Variants in SDK1 observed in about 807,000 individuals in gnomAD.
SDK1 encodes protein sidekick-1.
Under a neutral mutation model 245.5 loss-of-function variants are expected in SDK1, and 157 were observed. That is an observed-to-expected ratio of 0.64 (90% CI 0.56 to 0.73). The LOEUF is 0.73. Among genes scored for constraint, SDK1 ranks in the 30% least tolerant of loss-of-function variants. SDK1 has a pLI of 0.00. For synonymous variants in SDK1, 1,647 were observed against 1,278.5 expected (o/e 1.29, Z -6.15); for missense variants, 3,583 against 3,002.3 (o/e 1.19, Z -4.52).
chr7:4,129,358 T>G (rs1412432201), intron 26 of SDK1, among the ~76,000 whole-genome samples: 1 of 131,376 alleles, frequency 7.6e-6, no homozygotes, highest in African/African-American at 3.0e-5. Context: ...GACAGCAGCT[T>G]GGGGTTGGGT....
At chr7:3,421,768 G>C (rs924635746) in intron 1 of SDK1, among the ~76,000 whole-genome samples, 2 of 152,154 alleles carry the variant, frequency 1.3e-5, no homozygotes, top group African/African-American at 4.8e-5. Flanking sequence ...CTGATTTAGA[G>C]ATGACATTTA....
intron 1 of SDK1, among the ~76,000 whole-genome samples, chr7:3,360,594 T>G (rs780674321): frequency 1.3e-5 from 2 of 152,192 alleles, no homozygotes; most frequent in Non-Finnish European, 2.9e-5. Context: ...AATGTTTCTT[T>G]CCCAGGTGTT....
chr7:3,577,480 A>C (rs1780331600), intron 1 of SDK1, among the ~76,000 whole-genome samples: 1 of 151,946 alleles, frequency 6.6e-6, no homozygotes, highest in Non-Finnish European at 1.5e-5. Flanking sequence ...CATGCCCTAC[A>C]GGATGGCTCT....
intron 2 of SDK1, among the ~76,000 whole-genome samples, chr7:3,631,042 C>G (rs751228523): frequency 3.9e-5 from 6 of 152,014 alleles, no homozygotes; most frequent in Non-Finnish European, 7.4e-5. Flanking sequence ...AAGTGATCCC[C>G]CCATCTCAGC....
intron 4 of SDK1, among the ~76,000 whole-genome samples, chr7:3,721,794 A>C (rs910315010): frequency 6.6e-6 from 1 of 152,188 alleles, no homozygotes; most frequent in Non-Finnish European, 1.5e-5. Flanking sequence ...GCTTGTAGGA[A>C]TGTCTCTGCT....
chr7:3,584,752 G>A (rs188315332), intron 1 of SDK1, among the ~76,000 whole-genome samples: 1 of 150,746 alleles, frequency 6.6e-6, no homozygotes, highest in East Asian at 2.0e-4. Flanking sequence ...TTGAGATGGA[G>A]TCTCGCTGTC....
intron 5 of SDK1, among the ~76,000 whole-genome samples, chr7:3,845,652 C>G (rs981862051): frequency 1.3e-5 from 2 of 151,492 alleles, no homozygotes; most frequent in African/African-American, 4.9e-5. Context: ...GCAGTGGGCT[C>G]CCTTTAGCAT....
intron 1 of SDK1, among the ~76,000 whole-genome samples, chr7:3,372,322 G>A (rs1781248696): frequency 6.6e-6 from 1 of 152,190 alleles, no homozygotes; most frequent in African/African-American, 2.4e-5. Flanking sequence ...TGATCAGGAA[G>A]TTGGGTCATC....
chr7:3,672,498 G>T (rs1263404407), intron 4 of SDK1, among the ~76,000 whole-genome samples: 2 of 149,906 alleles, frequency 1.3e-5, no homozygotes, highest in East Asian at 3.9e-4. Flanking sequence ...AGAAAGATGA[G>T]CTGGAAACCA....
At chr7:4,122,946 G>A (rs1180891109) in intron 25 of SDK1, among the ~76,000 whole-genome samples, 1 of 152,160 alleles carries the variant, frequency 6.6e-6, no homozygotes, top group East Asian at 1.9e-4. Flanking sequence ...CATTTTCTTT[G>A]CTTTAGCTGC....
intron 44 of SDK1, among the ~76,000 whole-genome samples, chr7:4,262,190 C>T (rs891053845): frequency 3.3e-5 from 5 of 151,156 alleles, no homozygotes; most frequent in South Asian, 2.1e-4. Flanking sequence ...AGGCACCCAC[C>T]ACCATGCCCA....
intron 4 of SDK1, among the ~76,000 whole-genome samples, chr7:3,803,674 C>T (rs1375820617): frequency 6.6e-6 from 1 of 150,690 alleles, no homozygotes; most frequent in Non-Finnish European, 1.5e-5. Flanking sequence ...TTTATATATT[C>T]TAGATATGTA....
rs1325713553 is a variant in SDK1 at position 4,265,752 on chromosome 7, G to C, written c.*368G>C. 4.8e-6 allele frequency: 5 copies of C among 1,044,700 alleles called. No homozygotes were observed. Among genetic ancestry groups the C allele is most frequent in the African/African-American group, 3.4e-5 (2 of 58,748 alleles). The allele number at this position is 1,044,700 out of a possible 1,614,324, so 64.7% of individuals were successfully genotyped here. On this transcript the variant is annotated 3_prime_UTR_variant, in exon 45 of 45. Coordinates refer to ENST00000404826, the MANE Select transcript of SDK1 (RefSeq NM_152744.4). ...GGTCAAGCGGGGAGAGGGAGTGGAG[G>C]GTCAGGTGAGATCTCAGAGCTGCCC...
chr7:3,765,907 C>T (rs1780239402), intron 4 of SDK1, among the ~76,000 whole-genome samples: 1 of 152,138 alleles, frequency 6.6e-6, no homozygotes, highest in Non-Finnish European at 1.5e-5. Context: ...CAGACTACCT[C>T]CTTAGATCAT....
intron 1 of SDK1, among the ~76,000 whole-genome samples, chr7:3,371,892 A>T (rs1245771920): frequency 1.3e-5 from 2 of 152,180 alleles, no homozygotes; most frequent in East Asian, 3.9e-4. Flanking sequence ...TTCTACTTAG[A>T]TCTATCCTCA....
intron 1 of SDK1, among the ~76,000 whole-genome samples, chr7:3,531,454 A>G (rs1783340593): frequency 6.6e-6 from 1 of 152,200 alleles, no homozygotes; most frequent in Non-Finnish European, 1.5e-5. Context: ...TTTAGCTACC[A>G]TGTCCTTTGG....
intron 1 of SDK1, among the ~76,000 whole-genome samples, chr7:3,321,837 C>CCTTCCTT (rs1477574355): frequency 8.0e-6 from 1 of 125,260 alleles, no homozygotes; most frequent in African/African-American, 3.6e-5. Flanking sequence ...TCCTCCTTTT[C>CCTTCCTT]TCTCTCTCTC....
chr7:3,478,549 C>T (rs79156576), intron 1 of SDK1, among the ~76,000 whole-genome samples: 2,478 of 152,014 alleles, frequency 0.016, 57 homozygotes, highest in African/African-American at 0.05. Context: ...TCAGTTATCA[C>T]AAATTTTATG....
At chr7:3,456,011 C>A (rs528495744) in intron 1 of SDK1, among the ~76,000 whole-genome samples, 2 of 152,146 alleles carry the variant, frequency 1.3e-5, no homozygotes, top group South Asian at 4.1e-4. Flanking sequence ...ATGTAGAATT[C>A]ATGGTTGACA....
Sources: gnomAD v4.1 joint callset for allele counts (sites outside exome capture counted in the v4.1 genomes callset) on GRCh38, gnomAD v4.1.1 for gene constraint, MANE v1.5 for transcripts, NCBI Gene and HGNC (gene_info 2026-07-23, HGNC 2026-07-21) for gene names.